The following TMEM132D variants were observed in gnomAD, a reference collection of about 807,000 sequenced individuals.
TMEM132D encodes mature OL transmembrane protein.
In TMEM132D, 21 loss-of-function variants were observed where a neutral mutation model predicts 62.3. The observed-to-expected ratio is 0.34, with a 90% confidence interval of 0.24 to 0.49. TMEM132D has a LOEUF of 0.49. Among genes scored for constraint, TMEM132D ranks in the 20% least tolerant of loss-of-function variants. The probability of loss-of-function intolerance (pLI) is 0.99; values close to 1 mark genes in which losing one functional copy is unlikely to be tolerated. For synonymous variants in TMEM132D, 621 were observed against 575.6 expected (o/e 1.08, Z -1.13); for missense variants, 1,346 against 1,402.8 (o/e 0.96, Z 0.65).
At chr12:129,834,861 G>A (rs1054086112) in intron 1 of TMEM132D, among the ~76,000 whole-genome samples, 2 of 152,178 alleles carry the variant, frequency 1.3e-5, no homozygotes, top group Admixed American at 6.6e-5. Flanking sequence ...CATGGTGGAT[G>A]GAACCTATGA....
At chr12:129,419,147 T>C (rs35496748) in intron 3 of TMEM132D, among the ~76,000 whole-genome samples, 27,099 of 152,082 alleles carry the variant, frequency 0.18, 2,836 homozygotes, top group East Asian at 0.3. Context: ...TGGAGAAAAC[T>C]AATACACCCT....
intron 1 of TMEM132D, among the ~76,000 whole-genome samples, chr12:129,745,996 G>A (rs1373707002): frequency 6.6e-6 from 1 of 152,166 alleles, no homozygotes; most frequent in East Asian, 1.9e-4. Flanking sequence ...CTCTTAGAAG[G>A]CTGACATTCA....
intron 4 of TMEM132D, among the ~76,000 whole-genome samples, chr12:129,282,331 G>C (rs1475605143): frequency 6.6e-6 from 1 of 152,140 alleles, no homozygotes; most frequent in Non-Finnish European, 1.5e-5. Flanking sequence ...TGCTGACAAG[G>C]CTCATAGTAC....
At chr12:129,901,666 T>C (rs1178089402) in intron 1 of TMEM132D, among the ~76,000 whole-genome samples, 1 of 152,168 alleles carries the variant, frequency 6.6e-6, no homozygotes, top group Non-Finnish European at 1.5e-5. Context: ...TTCACAAGTA[T>C]TAGGCTAAAT....
intron 4 of TMEM132D, among the ~76,000 whole-genome samples, chr12:129,322,637 G>A (rs1006388617): frequency 6.6e-6 from 1 of 151,924 alleles, no homozygotes; most frequent in Non-Finnish European, 1.5e-5. Context: ...GAAAGATATG[G>A]GTTCTAGGTT....
intron 3 of TMEM132D, among the ~76,000 whole-genome samples, chr12:129,465,744 G>A (rs957391660): frequency 2.0e-5 from 3 of 152,008 alleles, no homozygotes; most frequent in Non-Finnish European, 2.9e-5. Flanking sequence ...GTGCAGTGGA[G>A]CTATCTCAGC....
chr12:129,708,277 A>C (rs1881552688), intron 1 of TMEM132D, among the ~76,000 whole-genome samples: 1 of 152,218 alleles, frequency 6.6e-6, no homozygotes, highest in Non-Finnish European at 1.5e-5. Flanking sequence ...TAGCCAATCA[A>C]ATAAGCTGAA....
intron 3 of TMEM132D, among the ~76,000 whole-genome samples, chr12:129,413,600 C>T (rs1189685911): frequency 6.6e-6 from 1 of 152,150 alleles, no homozygotes; most frequent in African/African-American, 2.4e-5. Context: ...TTAGATACAT[C>T]CTTTTCTTTT....
chr12:129,569,474 T>C (rs1877453771), intron 2 of TMEM132D, among the ~76,000 whole-genome samples: 1 of 152,180 alleles, frequency 6.6e-6, no homozygotes, highest in Non-Finnish European at 1.5e-5. Flanking sequence ...AAATATTCAT[T>C]GAGATCCTAT....
chr12:129,567,416 C>T (rs1474433440), intron 2 of TMEM132D, among the ~76,000 whole-genome samples: 2 of 152,112 alleles, frequency 1.3e-5, no homozygotes, highest in Non-Finnish European at 1.5e-5. Context: ...TAAGAAGCCA[C>T]CACGTGACAA....
chr12:129,082,845 C>G (rs79201857), intron 6 of TMEM132D, among the ~76,000 whole-genome samples: 1 of 152,162 alleles, frequency 6.6e-6, no homozygotes, highest in Non-Finnish European at 1.5e-5. Flanking sequence ...TCCTTCCACT[C>G]CAGCCTCCTG....
intron 3 of TMEM132D, among the ~76,000 whole-genome samples, chr12:129,482,852 C>G (rs984974285): frequency 2.0e-5 from 3 of 151,818 alleles, no homozygotes; most frequent in African/African-American, 7.3e-5. Context: ...ACAGTTAACC[C>G]AGACTCATTT....
At chr12:129,750,095 A>T (rs1016352250) in intron 1 of TMEM132D, among the ~76,000 whole-genome samples, 42 of 151,552 alleles carry the variant, frequency 2.8e-4, no homozygotes, top group African/African-American at 8.0e-4. Context: ...TTTTTTATTT[A>T]TTTATTTTGA....
chr12:129,499,903 T>C (rs1875077292), intron 3 of TMEM132D, among the ~76,000 whole-genome samples: 1 of 152,032 alleles, frequency 6.6e-6, no homozygotes, highest in African/African-American at 2.4e-5. Flanking sequence ...CCTGACCTCA[T>C]CTGTCCCCCA....
At position 129,700,581 on chromosome 12, in the gene TMEM132D, T is replaced by C. The variant is rs2137227722; in HGVS notation, c.197A>G (p.Asn66Ser). 6.2e-7 allele frequency: 1 copy of C among 1,614,038 alleles called. No homozygotes were observed. The highest frequency in any genetic ancestry group is 8.5e-7 in the Non-Finnish European group (1 of 1,180,034). The change falls in exon 2 of 9, where the codon AAC becomes AGC. Residue 66 changes from asparagine (N) to serine (S), a missense_variant. Coordinates refer to ENST00000422113, the MANE Select transcript of TMEM132D (RefSeq NM_133448.3). ...GCTGGAGTTCCTCATGATATCCTGG[T>C]TGGCCTCCTTCAGGAAGAAGGAGAC... ...ADVSFFLKEA[N>S]QDIMRNSSLQ...
intron 2 of TMEM132D, among the ~76,000 whole-genome samples, chr12:129,667,655 C>A (rs1880408963): frequency 1.3e-5 from 2 of 152,028 alleles, no homozygotes; most frequent in South Asian, 4.2e-4. Context: ...TTTAGATTAG[C>A]AAAATATTTT....
intron 4 of TMEM132D, among the ~76,000 whole-genome samples, chr12:129,295,266 G>C (rs1390299060): frequency 6.6e-6 from 1 of 151,230 alleles, no homozygotes; most frequent in Non-Finnish European, 1.5e-5. Flanking sequence ...TAGACGCTAC[G>C]GAACACTGCC....
At chr12:129,543,180 T>G (rs1593059273) in intron 2 of TMEM132D, among the ~76,000 whole-genome samples, 6 of 96,074 alleles carry the variant, frequency 6.2e-5, no homozygotes, top group Non-Finnish European at 1.0e-4. Flanking sequence ...GGTGGGTGGG[T>G]GGATGGATGG....
intron 3 of TMEM132D, among the ~76,000 whole-genome samples, chr12:129,348,901 G>A (rs753665567): frequency 3.3e-5 from 5 of 152,104 alleles, no homozygotes; most frequent in Admixed American, 3.3e-4. Flanking sequence ...GAGGAGCCTC[G>A]GGTAACCCTT....
Sources: gnomAD v4.1 joint callset for allele counts (sites outside exome capture counted in the v4.1 genomes callset) on GRCh38, gnomAD v4.1.1 for gene constraint, MANE v1.5 for transcripts, NCBI Gene and HGNC (gene_info 2026-07-23, HGNC 2026-07-21) for gene names.